Variants in ADAMTS2 observed in about 807,000 individuals in gnomAD.
The protein encoded by ADAMTS2 is ADAM metallopeptidase with thrombospondin type 1 motif 2.
A neutral mutation model predicts 123.0 loss-of-function variants in ADAMTS2; 50 were observed. The ratio of observed to expected loss-of-function variants is 0.41; its 90% CI spans 0.32 to 0.51. ADAMTS2 has a LOEUF of 0.51. ADAMTS2 is among the 20% of genes least tolerant of loss of function. The probability of loss-of-function intolerance (pLI) is 0.35; values close to 1 mark genes in which losing one functional copy is unlikely to be tolerated. For synonymous variants in ADAMTS2, 678 were observed against 695.4 expected (o/e 0.98, Z 0.39); for missense variants, 1,494 against 1,705.2 (o/e 0.88, Z 2.18).
Position 179,304,641 on chromosome 5 carries a change from G to A in ADAMTS2, c.535-31577C>T, listed in dbSNP as rs77197057. ...CAGTGAACTTGAGGATAGAGCAATA[G>A]AAGTTACCCAATTCAAACTGCAGCG... On this transcript the variant is annotated intron_variant, in intron 2 of 21. Transcript: ENST00000251582. 1.4e-3 allele frequency among the ~76,000 whole-genome samples: 212 copies of A among 152,318 alleles called. 1 individual carries two copies. The highest frequency in any genetic ancestry group is 2.5e-3 in the Non-Finnish European group (170 of 68,028).
intron 2 of ADAMTS2, among the ~76,000 whole-genome samples, chr5:179,296,081 G>A (rs540926395): frequency 2.6e-5 from 4 of 152,318 alleles, no homozygotes; most frequent in Middle Eastern, 3.4e-3. Flanking sequence ...AGGAGCTGGC[G>A]GTGCCTCGGA....
intron 6 of ADAMTS2, among the ~76,000 whole-genome samples, chr5:179,156,296 T>C (rs1298926149): frequency 6.6e-6 from 1 of 151,992 alleles, no homozygotes; most frequent in African/African-American, 2.4e-5. Flanking sequence ...TTTTCTCTCA[T>C]GTTAATCTTT....
intron 21 of ADAMTS2, 97 bp downstream of exon 21, chr5:179,121,564 T>C: frequency 9.7e-7 from 1 of 1,026,134 alleles, no homozygotes; most frequent in Non-Finnish European, 1.4e-6. Context: ...TCAGGGGAGC[T>C]TTCCATAGAC....
At chr5:179,255,833 G>T (rs987685152) in intron 3 of ADAMTS2, among the ~76,000 whole-genome samples, 1 of 152,196 alleles carries the variant, frequency 6.6e-6, no homozygotes, top group Non-Finnish European at 1.5e-5. Flanking sequence ...TCGGGGATCA[G>T]GGGCTCTGCA....
At chr5:179,140,797 C>CTATTTTTTTTTTT (rs1763149971) in intron 10 of ADAMTS2, among the ~76,000 whole-genome samples, 1 of 63,930 alleles carries the variant, frequency 1.6e-5, no homozygotes, top group African/African-American at 6.4e-5. Flanking sequence ...CGACTGCATG[C>CTATTTTTTTTTTT]TCTTTTTTTT....
At position 179,263,472 on chromosome 5, in the gene ADAMTS2, C is replaced by T. The variant is rs183161419; in HGVS notation, c.688+9439G>A. Among the ~76,000 whole-genome samples, 323 of 152,368 alleles carry T rather than the reference C, an allele frequency of 2.1e-3. 5 individuals are homozygous for T. The highest frequency in any genetic ancestry group is 5.4e-3 in the South Asian group (26 of 4,834). ...CGGCCTTTTCCCAACCAGACCAGCG[C>T]ACCAGCCACCTCTCCACACAGGCCC... is the stretch of plus-strand genomic sequence containing the variant. On this transcript the variant is annotated intron_variant, in intron 3 of 21. Transcript: ENST00000251582.
intron 3 of ADAMTS2, among the ~76,000 whole-genome samples, chr5:179,236,813 G>T (rs553054620): frequency 6.6e-6 from 1 of 152,094 alleles, no homozygotes; most frequent in Non-Finnish European, 1.5e-5. Context: ...TTCCCCCTTC[G>T]ATGTATGCTA....
chr5:179,195,724 C>A (rs1182155042), intron 4 of ADAMTS2, among the ~76,000 whole-genome samples: 1 of 152,228 alleles, frequency 6.6e-6, no homozygotes, highest in Non-Finnish European at 1.5e-5. Flanking sequence ...TTGCGTGCAG[C>A]CTCGCACACA....
In ADAMTS2 at chr5:179,225,661, G is replaced by A. The variant is rs1436957054; in HGVS notation, c.689-17946C>T. Among the ~76,000 whole-genome samples, 4 of 152,194 alleles carry A rather than the reference G, an allele frequency of 2.6e-5. No homozygotes were observed. The highest frequency in any genetic ancestry group is 4.4e-5 in the Non-Finnish European group (3 of 68,032). ...GGCCACCGACCGGCAGAAGCAGAACGACACGGAGTTTGGCCGGGGCAGTCA... is the reference window on the plus strand; with the variant it reads ...GGCCACCGACCGGCAGAAGCAGAACAACACGGAGTTTGGCCGGGGCAGTCA... On this transcript the variant is annotated intron_variant, in intron 3 of 21. Transcript: ENST00000251582. This position sits in a 1 kb window ranked among gnomAD's most constrained non-coding sequence, Gnocchi z 4.5.
chr5:179,229,923 C>T (rs1240147015), intron 3 of ADAMTS2, among the ~76,000 whole-genome samples: 1 of 152,188 alleles, frequency 6.6e-6, no homozygotes, highest in Non-Finnish European at 1.5e-5. Flanking sequence ...AAGGCTTACC[C>T]TCCTTGGTTC....
At position 179,113,999 on chromosome 5, in the gene ADAMTS2, A is replaced by G. The variant is rs1762617368; in HGVS notation, c.3504T>C (p.His1168=). 1 of 1,613,958 alleles carries G rather than the reference A, an allele frequency of 6.2e-7. No individual in the cohort carries two copies. Among genetic ancestry groups the G allele is most frequent in the Non-Finnish European group, 8.5e-7 (1 of 1,180,026 alleles). The change falls in exon 22 of 22, where the codon CAT becomes CAC. Residue 1168 remains histidine, a synonymous_variant. Transcript: ENST00000251582. ...TNAVDEPYKI[H]GLEDEVQPPN... is the part of the protein sequence containing the mutation. The stretch of plus-strand genomic sequence containing the variant: ...GTGGCTGGACTTCATCTTCCAGGCC[A>G]TGGATTTTGTAGGGTTCATCTACGG...
At chr5:179,219,647 C>T (rs1053333059) in intron 3 of ADAMTS2, among the ~76,000 whole-genome samples, 2 of 152,208 alleles carry the variant, frequency 1.3e-5, no homozygotes, top group Non-Finnish European at 2.9e-5. Context: ...GAGGTTGAGC[C>T]CAAGCCAGCA....
At chr5:179,186,345 T>A (rs1764169462) in intron 4 of ADAMTS2, among the ~76,000 whole-genome samples, 1 of 152,190 alleles carries the variant, frequency 6.6e-6, no homozygotes, top group African/African-American at 2.4e-5. Context: ...CCTTCTGCTG[T>A]CCAGCCTCTC....
chr5:179,186,037 C>T, intron 4 of ADAMTS2, among the ~76,000 whole-genome samples: 1 of 152,114 alleles, frequency 6.6e-6, no homozygotes, highest in East Asian at 1.9e-4. Flanking sequence ...TCCTCCCTTC[C>T]ACACCAGCAC....
chr5:179,169,145 G>A (rs1763767355), intron 5 of ADAMTS2, among the ~76,000 whole-genome samples: 1 of 152,212 alleles, frequency 6.6e-6, no homozygotes, highest in Non-Finnish European at 1.5e-5. Flanking sequence ...ATTAGGAAGT[G>A]TGGTCTTTGA....
At chr5:179,141,365 A>G (rs1279180709) in intron 10 of ADAMTS2, among the ~76,000 whole-genome samples, 1 of 152,220 alleles carries the variant, frequency 6.6e-6, no homozygotes, top group Non-Finnish European at 1.5e-5. Flanking sequence ...AAATGAATGG[A>G]CATGGCTGTG....
At position 179,317,528 on chromosome 5, in the gene ADAMTS2, C is replaced by T. The variant is rs1483714944; in HGVS notation, c.534+26239G>A. Among the ~76,000 whole-genome samples, 1 of 152,172 alleles carries T rather than the reference C, an allele frequency of 6.6e-6. No homozygotes were observed. Among genetic ancestry groups the T allele is most frequent in the Admixed American group, 6.5e-5 (1 of 15,282 alleles). ...ATAAGCACGGACCCAGAGGCCATCCCAGCGACACTGTGTGGGGACTCCTGC... is the reference window on the plus strand; with the variant it reads ...ATAAGCACGGACCCAGAGGCCATCCTAGCGACACTGTGTGGGGACTCCTGC... On this transcript the variant is annotated intron_variant, in intron 2 of 21. Coordinates refer to ENST00000251582, the MANE Select transcript of ADAMTS2 (RefSeq NM_014244.5). This position sits in a 1 kb window ranked among gnomAD's most constrained non-coding sequence, Gnocchi z 4.9.
At chr5:179,261,739 C>T (rs1350284427) in intron 3 of ADAMTS2, among the ~76,000 whole-genome samples, 1 of 152,208 alleles carries the variant, frequency 6.6e-6, no homozygotes, top group African/African-American at 2.4e-5. Flanking sequence ...AGCCACACAC[C>T]CTGCCCTGCA....
At chr5:179,191,562 C>T (rs930902496) in intron 4 of ADAMTS2, among the ~76,000 whole-genome samples, 4 of 151,850 alleles carry the variant, frequency 2.6e-5, no homozygotes, top group Admixed American at 1.3e-4. Context: ...AAGGAAAATG[C>T]CGCTATGGGA....
Sources: allele counts gnomAD v4.1 joint callset (sites outside exome capture counted in the v4.1 genomes callset), GRCh38; gene constraint gnomAD v4.1.1; non-coding constraint Gnocchi (gnomAD v3.1); transcripts MANE v1.5; gene names NCBI Gene and HGNC (gene_info 2026-07-23, HGNC 2026-07-21).